CEP290: variants seen among roughly 807,000 people sequenced by gnomAD.
The protein encoded by CEP290 is centrosomal protein of 290 kDa.
A neutral mutation model predicts 344.9 loss-of-function variants in CEP290; 317 were observed. The observed-to-expected ratio is 0.92, with a 90% confidence interval of 0.84 to 1.01. The LOEUF is 1.01. CEP290 is among the 50% of genes least tolerant of loss of function. The pLI, the probability that CEP290 is intolerant of heterozygous loss-of-function variation, is 0.00. For missense variants in CEP290, 2,754 were observed against 2,761.4 expected (o/e 1.00, Z 0.06); for synonymous variants, 932 against 895.8 (o/e 1.04, Z -0.72).
At chr12:88,093,667 A>G (rs1354192539) in intron 28 of CEP290, 103 bp downstream of exon 28, 1 of 786,640 alleles carries the variant, frequency 1.3e-6, no homozygotes, top group African/African-American at 1.7e-5. Flanking sequence ...CTATATTAAT[A>G]AGATATTTCA....
At chr12:88,138,275 A>G (rs561508997) in intron 5 of CEP290, among the ~76,000 whole-genome samples, 20 of 152,256 alleles carry the variant, frequency 1.3e-4, no homozygotes, top group Non-Finnish European at 2.8e-4. Flanking sequence ...TTTCCTACCA[A>G]TATCTTCAAC....
chr12:88,061,975 C>T (rs938710437), intron 46 of CEP290, among the ~76,000 whole-genome samples: 2 of 152,110 alleles, frequency 1.3e-5, no homozygotes, highest in East Asian at 3.9e-4. Flanking sequence ...GATGGGGTTT[C>T]ACCATGTCGG....
At chr12:88,060,342 G>A (rs759064421) in intron 47 of CEP290, among the ~76,000 whole-genome samples, 1 of 152,206 alleles carries the variant, frequency 6.6e-6, no homozygotes, top group South Asian at 2.1e-4. Flanking sequence ...GGCGGATCAC[G>A]AGGTCAGGAG....
In CEP290 at chr12:88,130,286, T is replaced by C; in HGVS notation, c.651A>G (p.Gln217=). The change falls in exon 9 of 54, where the codon CAA becomes CAG. Residue 217 remains glutamine, a synonymous_variant. Coordinates refer to ENST00000552810, the MANE Select transcript of CEP290 (RefSeq NM_025114.4). ...ATTTTACCTGAATTTCATCAAGATA[T>C]TGGATAAGCTCATAGTTTTTTTTAG... is the stretch of plus-strand genomic sequence containing the variant. ...QLSKKNYELI[Q]YLDEIQTLTE... is the part of the protein sequence containing the mutation. 1.2e-6 allele frequency: 2 copies of C among 1,602,448 alleles called. No homozygotes were observed. Among genetic ancestry groups the C allele is most frequent in the South Asian group, 1.1e-5 (1 of 87,704 alleles).
chr12:88,126,639 T>C (rs2039749975), intron 11 of CEP290, among the ~76,000 whole-genome samples: 1 of 152,084 alleles, frequency 6.6e-6, no homozygotes, highest in Non-Finnish European at 1.5e-5. Flanking sequence ...AAAATGATTT[T>C]AAAATATATA....
At chr12:88,134,940 A>G (rs997908898) in intron 6 of CEP290, among the ~76,000 whole-genome samples, 9 of 152,110 alleles carry the variant, frequency 5.9e-5, no homozygotes, top group Non-Finnish European at 1.3e-4. Flanking sequence ...TTACCAGTCT[A>G]ACTATACTTC....
intron 27 of CEP290, among the ~76,000 whole-genome samples, chr12:88,094,680 G>A (rs1035364634): frequency 1.3e-5 from 2 of 151,760 alleles, no homozygotes; most frequent in Non-Finnish European, 2.9e-5. Context: ...TGAGGGGGGG[G>A]GAAGAAAACA....
At chr12:88,130,509 T>C in intron 8 of CEP290, 36 bp downstream of exon 8, 1 of 1,593,738 alleles carries the variant, frequency 6.3e-7, no homozygotes, top group Non-Finnish European at 8.5e-7. Context: ...CAACATATTT[T>C]AAATTCCCAA....
intron 27 of CEP290, among the ~76,000 whole-genome samples, chr12:88,095,844 CTGTT>C (rs770690926): frequency 2.0e-5 from 3 of 152,036 alleles, no homozygotes; most frequent in Non-Finnish European, 2.9e-5. Flanking sequence ...AACTATATAA[CTGTT>C]TGAAAAATTA....
intron 49 of CEP290, among the ~76,000 whole-genome samples, chr12:88,056,625 C>A (rs563729769): frequency 6.6e-6 from 1 of 152,266 alleles, no homozygotes; most frequent in Admixed American, 6.5e-5. Context: ...TCAAAAGCCA[C>A]CCAAACAGAG....
chr12:88,075,119 T>G (rs1362265550), intron 41 of CEP290, among the ~76,000 whole-genome samples: 2 of 152,150 alleles, frequency 1.3e-5, no homozygotes, highest in African/African-American at 2.4e-5. Flanking sequence ...AGGTAGATGA[T>G]GAATTGAATT....
intron 43 of CEP290, among the ~76,000 whole-genome samples, chr12:88,070,681 A>C (rs968435910): frequency 9.9e-5 from 15 of 152,272 alleles, no homozygotes; most frequent in Admixed American, 8.5e-4. Context: ...GCTTGGCTGC[A>C]GAAGTGTGCA....
At chr12:88,088,951 T>C (rs2036801202) in intron 31 of CEP290, 81 bp downstream of exon 31, 17 of 1,000,254 alleles carry the variant, frequency 1.7e-5, no homozygotes, top group Non-Finnish European at 2.4e-5. Context: ...GTTCCAGCTA[T>C]GTTTGCACCA....
chr12:88,088,837 A>C (rs2137264805), intron 31 of CEP290, among the ~76,000 whole-genome samples, 195 bp downstream of exon 31: 1 of 152,224 alleles, frequency 6.6e-6, no homozygotes, highest in South Asian at 2.1e-4. Flanking sequence ...TCTACAAAAA[A>C]ATTTAAAAAT....
At chr12:88,069,657 G>A (rs2035214163) in intron 43 of CEP290, among the ~76,000 whole-genome samples, 2 of 152,186 alleles carry the variant, frequency 1.3e-5, no homozygotes, top group African/African-American at 4.8e-5. Context: ...GAAAAGGAAG[G>A]AATGTGGATT....
intron 49 of CEP290, among the ~76,000 whole-genome samples, chr12:88,055,919 A>G (rs1167069528): frequency 6.6e-6 from 1 of 152,182 alleles, no homozygotes; most frequent in Non-Finnish European, 1.5e-5. Context: ...AGATGGCCCA[A>G]TCAAAATAAA....
intron 49 of CEP290, among the ~76,000 whole-genome samples, chr12:88,056,657 T>G (rs1330174360): frequency 6.6e-6 from 1 of 152,052 alleles, no homozygotes; most frequent in Non-Finnish European, 1.5e-5. Flanking sequence ...GATCACCCTA[T>G]CTAAAACAGC....
At chr12:88,111,629 A>G (rs2038697591) in intron 21 of CEP290, 65 bp downstream of exon 21, 2 of 1,363,924 alleles carry the variant, frequency 1.5e-6, no homozygotes, top group African/African-American at 3.1e-5. Flanking sequence ...TTAAAAAATT[A>G]AAAATTTCCT....
At chr12:88,117,195 C>T (rs758518038) in intron 17 of CEP290, 50 bp from the exon 18 acceptor site, 1 of 852,754 alleles carries the variant, frequency 1.2e-6, no homozygotes, top group South Asian at 1.7e-5. Flanking sequence ...AACCCTCCTA[C>T]TATTCCAACA....
Sources: allele counts gnomAD v4.1 joint callset (sites outside exome capture counted in the v4.1 genomes callset), GRCh38; gene constraint gnomAD v4.1.1; transcripts MANE v1.5; gene names NCBI Gene and HGNC (gene_info 2026-07-23, HGNC 2026-07-21).